Variants in OCA2 observed in about 807,000 individuals in gnomAD.
The protein encoded by OCA2 is OCA2 melanosomal transmembrane protein, also known as P protein.
A neutral mutation model predicts 100.2 loss-of-function variants in OCA2; 77 were observed. That is an observed-to-expected ratio of 0.77 (90% CI 0.64 to 0.93). The LOEUF is 0.93. OCA2 is among the 40% of genes least tolerant of loss of function. OCA2 has a pLI of 0.00. For synonymous variants in OCA2, 432 were observed against 439.2 expected (o/e 0.98, Z 0.21); for missense variants, 1,062 against 1,089.1 (o/e 0.98, Z 0.35).
At chr15:27,795,820 G>T (rs891496708) in intron 23 of OCA2, among the ~76,000 whole-genome samples, 1 of 152,302 alleles carries the variant, frequency 6.6e-6, no homozygotes, top group Admixed American at 6.5e-5. Context: ...ACTCTTAGCG[G>T]TATGTCTCCA....
intron 17 of OCA2, among the ~76,000 whole-genome samples, chr15:27,953,858 G>T (rs1334312679): frequency 6.6e-6 from 1 of 151,710 alleles, no homozygotes; most frequent in African/African-American, 2.4e-5. Flanking sequence ...TGCTCCCATA[G>T]CCTGAACAGT....
intron 11 of OCA2, 34 bp from the exon 12 acceptor site, chr15:27,986,677 T>C (rs771525541): frequency 5.1e-5 from 69 of 1,363,726 alleles, no homozygotes; most frequent in Middle Eastern, 1.8e-4. Context: ...GGATAATCTT[T>C]TAGCAGGACA....
At chr15:27,738,932 A>C in the OCA2 span, among the ~76,000 whole-genome samples, 2 of 152,200 alleles carry the variant, frequency 1.3e-5, no homozygotes, top group African/African-American at 4.8e-5. Flanking sequence ...ATCTAACTTA[A>C]TATCGACAGT....
At chr15:28,037,821 C>T (rs969113658) in intron 2 of OCA2, among the ~76,000 whole-genome samples, 70 of 152,338 alleles carry the variant, frequency 4.6e-4, no homozygotes, top group African/African-American at 1.6e-3. Context: ...CCCAGCCCTT[C>T]CCTCCCACCA....
chr15:28,098,124 C>CT (rs1377991423), intron 1 of OCA2, among the ~76,000 whole-genome samples: 1 of 152,174 alleles, frequency 6.6e-6, no homozygotes, highest in African/African-American at 2.4e-5. Context: ...TAGGCATTTG[C>CT]TTTTCATCAG....
intron 1 of OCA2, among the ~76,000 whole-genome samples, chr15:28,092,785 A>C (rs146877180): frequency 6.6e-6 from 1 of 152,340 alleles, no homozygotes; most frequent in East Asian, 1.9e-4. Context: ...AAAAGCATTT[A>C]ACAAAATCCA....
At chr15:28,082,332 C>A (rs112461534) in intron 1 of OCA2, among the ~76,000 whole-genome samples, 1 of 152,124 alleles carries the variant, frequency 6.6e-6, no homozygotes, top group Non-Finnish European at 1.5e-5. Context: ...TGGATACTTT[C>A]GATGTTTTGG....
At chr15:27,819,656 C>G (rs2034431429) in intron 23 of OCA2, among the ~76,000 whole-genome samples, 1 of 152,152 alleles carries the variant, frequency 6.6e-6, no homozygotes, top group Admixed American at 6.5e-5. Flanking sequence ...ATGATATGGA[C>G]TTGGCTTAAC....
intron 23 of OCA2, among the ~76,000 whole-genome samples, chr15:27,783,620 G>A (rs1449287306): frequency 1.3e-5 from 2 of 152,156 alleles, no homozygotes; most frequent in East Asian, 3.8e-4. Context: ...TGAAGAGTTC[G>A]GCCAGAAGCT....
At chr15:28,050,513 A>T (rs1164670576) in intron 2 of OCA2, among the ~76,000 whole-genome samples, 4 of 150,266 alleles carry the variant, frequency 2.7e-5, no homozygotes, top group Non-Finnish European at 4.4e-5. Context: ...GTGAGTCGAG[A>T]TCGTGCCACT....
chr15:27,880,217 G>A (rs780335374), intron 19 of OCA2, among the ~76,000 whole-genome samples: 3 of 152,148 alleles, frequency 2.0e-5, no homozygotes, highest in Non-Finnish European at 2.9e-5. Context: ...CTATGTGTCT[G>A]TTTTTGTGCC....
chr15:27,741,139 A>G, the OCA2 span, among the ~76,000 whole-genome samples: 1 of 152,204 alleles, frequency 6.6e-6, no homozygotes, highest in African/African-American at 2.4e-5. Flanking sequence ...CACCAAGACA[A>G]AATGTCTCTG....
intron 23 of OCA2, among the ~76,000 whole-genome samples, chr15:27,819,130 T>C (rs2034413112): frequency 6.6e-6 from 1 of 152,188 alleles, no homozygotes. Flanking sequence ...AGCTGTTCAA[T>C]ATGGTTAATA....
intron 16 of OCA2, among the ~76,000 whole-genome samples, 196 bp from the exon 17 acceptor site, chr15:27,955,411 A>G (rs1027157831): frequency 6.6e-6 from 1 of 152,182 alleles, no homozygotes; most frequent in Admixed American, 6.5e-5. Context: ...TCCCAAAAAA[A>G]TACATATAAT....
At position 27,851,406 on chromosome 15, in the gene OCA2, G is replaced by A. The variant is rs773774001; in HGVS notation, c.2314C>T (p.Leu772=). Residue 772 remains leucine, a synonymous_variant, in exon 22 of 24, where the codon CTG becomes TTG. Coordinates refer to ENST00000354638, the MANE Select transcript of OCA2 (RefSeq NM_000275.3). The part of the protein sequence containing the change: ...GLPAPPLMYA[L]AFGACLGGNG... ...CCTCCCAGGCAAGCACCGAAGGCCA[G>A]GGCATACATGAGCGGCGGTGCGGGC... 2.5e-6 allele frequency: 4 copies of A among 1,613,994 alleles called. No individual in the cohort carries two copies. In the South Asian group the frequency reaches 4.4e-5, roughly 18 times the overall value.
At chr15:28,050,701 AT>A (rs1438329501) in intron 2 of OCA2, among the ~76,000 whole-genome samples, 13 of 152,246 alleles carry the variant, frequency 8.5e-5, no homozygotes, top group African/African-American at 3.1e-4. Context: ...GTTGTCTTTA[AT>A]CCATTTCATG....
intron 9 of OCA2, among the ~76,000 whole-genome samples, chr15:28,003,855 C>G (rs1031478200): frequency 6.6e-6 from 1 of 152,242 alleles, no homozygotes; most frequent in Non-Finnish European, 1.5e-5. Context: ...CACGAACCCG[C>G]CCGCGCCGCC....
At chr15:27,879,161 C>T (rs1296874609) in intron 19 of OCA2, among the ~76,000 whole-genome samples, 1 of 152,172 alleles carries the variant, frequency 6.6e-6, no homozygotes. Context: ...CCAGCTCCAT[C>T]ATGTCCCTTA....
intron 23 of OCA2, among the ~76,000 whole-genome samples, chr15:27,822,666 T>C (rs2034551284): frequency 1.3e-5 from 2 of 152,236 alleles, no homozygotes; most frequent in South Asian, 2.1e-4. Context: ...TCTTTTCATA[T>C]TATTACTGTC....
Sources: gnomAD v4.1 joint callset for allele counts (sites outside exome capture counted in the v4.1 genomes callset) on GRCh38, gnomAD v4.1.1 for gene constraint, MANE v1.5 for transcripts, NCBI Gene and HGNC (gene_info 2026-07-23, HGNC 2026-07-21) for gene names.